The following KCND2 variants were observed in gnomAD, a reference collection of about 807,000 sequenced individuals.
The protein encoded by KCND2 is potassium voltage-gated channel subfamily D member 2.
In KCND2, 16 loss-of-function variants were observed where a neutral mutation model predicts 54.4. The observed-to-expected ratio is 0.29, with a 90% CI of 0.20 to 0.45. KCND2 has a LOEUF of 0.45. Ranked by LOEUF, KCND2 falls within the 20% of genes least tolerant of loss-of-function variation. The probability of loss-of-function intolerance (pLI) is 1.00; values close to 1 mark genes in which losing one functional copy is unlikely to be tolerated. For missense variants in KCND2, 486 were observed against 824.2 expected, an observed-to-expected ratio of 0.59 and a Z score of 5.02; for synonymous variants, 317 against 310.7, an observed-to-expected ratio of 1.02 and a Z score of -0.21.
chr7:120,703,143 C>CA (rs1193646210), intron 1 of KCND2, among the ~76,000 whole-genome samples: 3 of 152,120 alleles, frequency 2.0e-5, no homozygotes, highest in Non-Finnish European at 4.4e-5. Flanking sequence ...TGGCGGCTGT[C>CA]AAAGAGAGAA....
intron 2 of KCND2, among the ~76,000 whole-genome samples, chr7:120,738,137 C>G (rs546554771): frequency 3.3e-4 from 50 of 151,998 alleles, no homozygotes; most frequent in South Asian, 6.2e-4. Context: ...GAGTACTTCA[C>G]AATACAAGAT....
At chr7:120,481,033 T>C (rs1230387446) in intron 1 of KCND2, among the ~76,000 whole-genome samples, 1 of 152,190 alleles carries the variant, frequency 6.6e-6, no homozygotes, top group Admixed American at 6.5e-5. Flanking sequence ...CTAAATCTTC[T>C]TAGAGATTAC....
intron 1 of KCND2, among the ~76,000 whole-genome samples, chr7:120,565,428 T>C (rs1405836): frequency 0.93 from 140,997 of 152,250 alleles, 65,881 homozygotes; most frequent in Middle Eastern, 0.99. Flanking sequence ...ACCAACTTCT[T>C]GGTCTGCATC....
rs920703262 is a variant in KCND2, at chr7:120,448,483, T to C, written c.1115+172736T>C. On this transcript the variant is annotated intron_variant, in intron 1 of 5. Coordinates refer to ENST00000331113, the MANE Select transcript of KCND2 (RefSeq NM_012281.3). ...TTTGCTATTGTGAATAGTGCTGCAA[T>C]AAACATACGTGTGCATGTGTCTTTA... 2.6e-4 allele frequency among the ~76,000 whole-genome samples: 40 copies of C among 152,166 alleles called. 1 individual carries two copies. The highest frequency in any genetic ancestry group is 9.7e-4 in the African/African-American group (40 of 41,450).
intron 1 of KCND2, among the ~76,000 whole-genome samples, chr7:120,317,196 T>C (rs1031470490): frequency 2.6e-5 from 4 of 152,146 alleles, no homozygotes; most frequent in Non-Finnish European, 5.9e-5. Context: ...ACAGAAGTAT[T>C]ATATATATCA....
chr7:120,518,904 GAGCTTTCAAA>G (rs1803238970), intron 1 of KCND2, among the ~76,000 whole-genome samples: 1 of 152,160 alleles, frequency 6.6e-6, no homozygotes. Context: ...ATAATCACAT[GAGCTTTCAAA>G]AGCAGAGACC....
At chr7:120,559,543 A>G (rs1792208650) in intron 1 of KCND2, among the ~76,000 whole-genome samples, 2 of 152,246 alleles carry the variant, frequency 1.3e-5, no homozygotes, top group Non-Finnish European at 2.9e-5. Context: ...TGCTAGAGGC[A>G]GTTCTATGAT....
intron 1 of KCND2, among the ~76,000 whole-genome samples, chr7:120,530,681 T>C (rs1201288290): frequency 6.6e-6 from 1 of 152,126 alleles, no homozygotes; most frequent in Non-Finnish European, 1.5e-5. Context: ...AAACGCAACA[T>C]GTCCAAAACT....
chr7:120,714,019 G>T (rs1171335516), intron 1 of KCND2, among the ~76,000 whole-genome samples: 1 of 152,074 alleles, frequency 6.6e-6, no homozygotes, highest in East Asian at 1.9e-4. Context: ...GAAATATTTT[G>T]CTCACTGGAG....
chr7:120,479,270 GT>G (rs1027681959), intron 1 of KCND2, among the ~76,000 whole-genome samples: 14 of 151,966 alleles, frequency 9.2e-5, no homozygotes, highest in Non-Finnish European at 2.1e-4. Context: ...ATAAACATAT[GT>G]TATAAATTCC....
intron 1 of KCND2, among the ~76,000 whole-genome samples, chr7:120,345,556 C>T (rs774029439): frequency 2.0e-5 from 3 of 152,086 alleles, no homozygotes; most frequent in Non-Finnish European, 4.4e-5. Flanking sequence ...TCCTCCTCCC[C>T]GACTCCCTGG....
At chr7:120,554,416 A>ATT (rs367696492) in intron 1 of KCND2, among the ~76,000 whole-genome samples, 4 of 147,046 alleles carry the variant, frequency 2.7e-5, no homozygotes, top group African/African-American at 7.5e-5. Flanking sequence ...TTTTTAATTT[A>ATT]TTTTTTTTTT....
chr7:120,311,973 C>T (rs1171579210), intron 1 of KCND2, among the ~76,000 whole-genome samples: 2 of 152,116 alleles, frequency 1.3e-5, no homozygotes, highest in Admixed American at 6.6e-5. Context: ...GGCACAATCT[C>T]GGCTCACCAC....
intron 1 of KCND2, among the ~76,000 whole-genome samples, chr7:120,728,688 T>G (rs148180801): frequency 1.1e-4 from 17 of 152,102 alleles, no homozygotes; most frequent in Non-Finnish European, 5.9e-5. Context: ...AAAAAATATA[T>G]ATATGAATAT....
intron 1 of KCND2, among the ~76,000 whole-genome samples, chr7:120,721,121 T>C (rs1332447568): frequency 6.6e-6 from 1 of 152,190 alleles, no homozygotes; most frequent in Non-Finnish European, 1.5e-5. Context: ...TTCTTTTCAG[T>C]TGGTTTATGT....
At chr7:120,629,087 G>A (rs900748759) in intron 1 of KCND2, among the ~76,000 whole-genome samples, 2 of 152,162 alleles carry the variant, frequency 1.3e-5, no homozygotes, top group African/African-American at 4.8e-5. Flanking sequence ...TGGCTTAAGG[G>A]AACTAAAAGA....
chr7:120,653,556 T>C (rs1791765650), intron 1 of KCND2, among the ~76,000 whole-genome samples: 5 of 152,076 alleles, frequency 3.3e-5, no homozygotes, highest in Non-Finnish European at 7.4e-5. Flanking sequence ...TACCTGAAAG[T>C]TTTAGGACCC....
At chr7:120,482,006 C>T (rs2116281718) in intron 1 of KCND2, among the ~76,000 whole-genome samples, 1 of 152,282 alleles carries the variant, frequency 6.6e-6, no homozygotes, top group South Asian at 2.1e-4. Context: ...CACCAACATG[C>T]AACTCCAACC....
intron 1 of KCND2, among the ~76,000 whole-genome samples, chr7:120,718,609 C>T (rs1792631555): frequency 6.6e-6 from 1 of 152,058 alleles, no homozygotes; most frequent in South Asian, 2.1e-4. Flanking sequence ...AAATGTTTGC[C>T]AGTTTGCTTG....
Sources: allele counts gnomAD v4.1 joint callset (sites outside exome capture counted in the v4.1 genomes callset), GRCh38; gene constraint gnomAD v4.1.1; transcripts MANE v1.5; gene names NCBI Gene and HGNC (gene_info 2026-07-23, HGNC 2026-07-21).